The following TANC2 variants were observed in gnomAD, a reference collection of about 807,000 sequenced individuals.
TANC2 encodes the protein protein TANC2.
Under a neutral mutation model 210.5 loss-of-function variants are expected in TANC2, and 26 were observed. The ratio of observed to expected loss-of-function variants is 0.12; its 90% CI spans 0.09 to 0.17. The LOEUF is 0.17. Ranked by LOEUF, TANC2 falls within the 10% of genes least tolerant of loss-of-function variation. The pLI is 1.00. For synonymous variants in TANC2, 931 were observed against 967.1 expected (o/e 0.96, Z 0.69); for missense variants, 2,129 against 2,608.9 (o/e 0.82, Z 4.01).
intron 8 of TANC2, among the ~76,000 whole-genome samples, chr17:63,245,818 G>A (rs984894383): frequency 6.6e-6 from 1 of 150,960 alleles, no homozygotes; most frequent in Admixed American, 6.6e-5. Flanking sequence ...ACTCCAGCCT[G>A]GGCAACAAGG....
chr17:62,988,574 T>C (rs533813491), intron 1 of TANC2, among the ~76,000 whole-genome samples: 1 of 152,182 alleles, frequency 6.6e-6, no homozygotes, highest in East Asian at 1.9e-4. Context: ...GTATGAAGTT[T>C]ATGAAGTTTA....
chr17:63,171,310 T>C (rs937751450), intron 5 of TANC2, among the ~76,000 whole-genome samples: 1 of 152,074 alleles, frequency 6.6e-6, no homozygotes, highest in African/African-American at 2.4e-5. Context: ...CTTGAACTCC[T>C]GACCTCATGT....
At chr17:63,064,105 A>G (rs975176648) in intron 2 of TANC2, among the ~76,000 whole-genome samples, 6 of 152,332 alleles carry the variant, frequency 3.9e-5, no homozygotes, top group South Asian at 2.1e-4. Flanking sequence ...ATGAAAAAGT[A>G]AAAGTAATTT....
At chr17:63,314,963 CCCG>C (rs2045268483) in intron 10 of TANC2, among the ~76,000 whole-genome samples, 3 of 152,156 alleles carry the variant, frequency 2.0e-5, no homozygotes, top group Non-Finnish European at 4.4e-5. Context: ...GCAGCAATTG[CCCG>C]TAGAGCAATT....
intron 1 of TANC2, among the ~76,000 whole-genome samples, chr17:62,976,498 T>C (rs1444571178): frequency 1.3e-5 from 2 of 151,830 alleles, no homozygotes; most frequent in Non-Finnish European, 2.9e-5. Context: ...AAAAAGGGAC[T>C]TATCTATTTA....
At chr17:63,179,519 T>G (rs528437919) in intron 5 of TANC2, among the ~76,000 whole-genome samples, 6 of 152,368 alleles carry the variant, frequency 3.9e-5, no homozygotes, top group Admixed American at 3.3e-4. Flanking sequence ...AAGTTATTGT[T>G]ACAGTCATCA....
intron 12 of TANC2, among the ~76,000 whole-genome samples, chr17:63,343,513 T>G (rs1243027714): frequency 6.6e-6 from 1 of 152,160 alleles, no homozygotes; most frequent in East Asian, 1.9e-4. Context: ...AATTAATGAC[T>G]ATCTAGTTAT....
At chr17:63,217,697 G>T (rs893951388) in intron 7 of TANC2, among the ~76,000 whole-genome samples, 3 of 152,152 alleles carry the variant, frequency 2.0e-5, no homozygotes, top group African/African-American at 4.8e-5. Context: ...GACTCCTCCA[G>T]GAAGTTAAAG....
At chr17:63,004,849 G>T in intron 1 of TANC2, 1 of 311,064 alleles carries the variant, frequency 3.2e-6, no homozygotes, top group Non-Finnish European at 6.2e-6. Flanking sequence ...CTTTGGCCCT[G>T]GTTTTAGAGG....
chr17:63,205,161 C>T (rs891545382), intron 7 of TANC2, among the ~76,000 whole-genome samples: 2 of 151,796 alleles, frequency 1.3e-5, no homozygotes, highest in Non-Finnish European at 1.5e-5. Flanking sequence ...TTTTGACAAG[C>T]GTCCTAAGAC....
intron 4 of TANC2, among the ~76,000 whole-genome samples, chr17:63,137,753 A>G (rs1404248879): frequency 6.6e-6 from 1 of 152,182 alleles, no homozygotes; most frequent in Non-Finnish European, 1.5e-5. Flanking sequence ...AGGCATTGTA[A>G]TATAAAGCAT....
intron 14 of TANC2, among the ~76,000 whole-genome samples, chr17:63,378,465 G>C (rs2047496939): frequency 6.6e-6 from 1 of 151,756 alleles, no homozygotes; most frequent in South Asian, 2.1e-4. Flanking sequence ...CATATAACAA[G>C]TTCAGAATTA....
At chr17:63,063,332 C>T (rs1226701562) in intron 2 of TANC2, among the ~76,000 whole-genome samples, 1 of 152,036 alleles carries the variant, frequency 6.6e-6, no homozygotes, top group African/African-American at 2.4e-5. Context: ...TTAATTAAAT[C>T]TCTAGTCCTT....
At chr17:62,993,110 A>T (rs551158346) in intron 1 of TANC2, among the ~76,000 whole-genome samples, 4 of 152,222 alleles carry the variant, frequency 2.6e-5, no homozygotes, top group Non-Finnish European at 5.9e-5. Flanking sequence ...GACATTTGTG[A>T]CTACATTGGG....
exon 28 of TANC2, chr17:63,425,160 T>C (rs946981267): frequency 3.9e-5 from 6 of 152,174 alleles, no homozygotes; most frequent in Admixed American, 6.5e-5. Context: ...CCCAAGTTAA[T>C]AGAGCACAAA....
chr17:63,375,701 A>G (rs1598972864), intron 14 of TANC2, among the ~76,000 whole-genome samples: 1 of 152,242 alleles, frequency 6.6e-6, no homozygotes, highest in East Asian at 1.9e-4. Context: ...AAGATACTTC[A>G]TAAATGCTTT....
At chr17:63,154,273 T>C (rs1196114035) in intron 5 of TANC2, 2 of 152,124 alleles carry the variant, frequency 1.3e-5, no homozygotes, top group East Asian at 3.8e-4. Context: ...ACAAGCAGGA[T>C]TTGTTGTTCA....
At chr17:63,285,842 G>A (rs977579099) in intron 9 of TANC2, among the ~76,000 whole-genome samples, 1 of 152,106 alleles carries the variant, frequency 6.6e-6, no homozygotes, top group Admixed American at 6.6e-5. Flanking sequence ...GCAGCCAGAA[G>A]GGGAGCAGGT....
intron 2 of TANC2, among the ~76,000 whole-genome samples, chr17:63,010,539 A>G (rs751779481): frequency 4.0e-5 from 6 of 151,730 alleles, no homozygotes; most frequent in Non-Finnish European, 5.9e-5. Context: ...ATTCAATTCA[A>G]TTCTGACGCT....
Sources: allele counts gnomAD v4.1 joint callset (sites outside exome capture counted in the v4.1 genomes callset), GRCh38; gene constraint gnomAD v4.1.1; transcripts MANE v1.5; gene names NCBI Gene and HGNC (gene_info 2026-07-23, HGNC 2026-07-21).